ANKRD13D: variants seen among roughly 807,000 people sequenced by gnomAD.
The protein encoded by ANKRD13D is ankyrin repeat domain-containing protein 13D.
Under a neutral mutation model 68.8 loss-of-function variants are expected in ANKRD13D, and 24 were observed. The observed-to-expected ratio is 0.35, with a 90% confidence interval of 0.25 to 0.49. ANKRD13D has a LOEUF of 0.49. ANKRD13D is among the 20% of genes least tolerant of loss of function. The pLI is 0.99. For missense variants in ANKRD13D, 735 were observed against 832.1 expected, an observed-to-expected ratio of 0.88 and a Z score of 1.44; for synonymous variants, 331 against 336.1, an observed-to-expected ratio of 0.98 and a Z score of 0.16.
chr11:67,299,719 A>T lies in ANKRD13D; in HGVS notation c.880+108A>T. 17 of 1,530,178 alleles carry T rather than the reference A, an allele frequency of 1.1e-5. No homozygotes were observed. The highest frequency in any genetic ancestry group is 1.5e-5 in the Non-Finnish European group (17 of 1,131,508). 94.8% of individuals were successfully genotyped at this position (1,530,178 alleles called of 1,614,324 possible). ...CCAGGATGAGCTGGGAGGCCTCCCC[A>T]TTCCCGTCTGACCCCTCTTCCCCCA... On this transcript the variant is annotated intron_variant, in intron 8 of 14. Transcript: ENST00000511455. The surrounding 1 kb of genome is among the most constrained non-coding windows in gnomAD (Gnocchi z 6.2).
rs1860887434 is a variant in ANKRD13D, at chr11:67,299,426, T to C, written c.799-104T>C. On this transcript the variant is annotated intron_variant, in intron 7 of 14. Coordinates refer to ENST00000511455, the MANE Select transcript of ANKRD13D (RefSeq NM_207354.3). The surrounding 1 kb of genome is among the most constrained non-coding windows in gnomAD (Gnocchi z 6.2). The stretch of plus-strand genomic sequence containing the variant: ...ACCTCCTCCATTTTGGGGAGCAAGA[T>C]CTCATCTGTCTCTGGGACAGGAGGA... 2.0e-6 allele frequency: 2 copies of C among 997,504 alleles called. No individual in the cohort carries two copies. The highest frequency in any genetic ancestry group is 1.5e-6 in the Non-Finnish European group (1 of 670,718). The allele number at this position is 997,504 out of a possible 1,614,324, so 61.8% of individuals were successfully genotyped here. A position where few individuals can be genotyped will look rare whatever the true frequency, so the allele number is the denominator to read the frequency against.
chr11:67,297,739 A>T (rs1860813930), intron 6 of ANKRD13D, among the ~76,000 whole-genome samples: 1 of 146,976 alleles, frequency 6.8e-6, no homozygotes, highest in African/African-American at 2.5e-5. Flanking sequence ...GTTAGCCAGG[A>T]TGGTCTCCAT....
Position 67,291,649 on chromosome 11 carries a change from G to A in ANKRD13D, c.444G>A (p.Trp148Ter). 1 of 1,614,132 alleles carries A rather than the reference G, an allele frequency of 6.2e-7. No individual in the cohort carries two copies. Among genetic ancestry groups the A allele is most frequent in the Non-Finnish European group, 8.5e-7 (1 of 1,180,042 alleles). ...GCCCAAGCGATGTGTACCGCGTGTG[G>A]AAGCGGGGTGAGAGCCTGCGAGTAG... ...KMCPSDVYRV[W>*]KRGESLRVDT... Residue 148 changes from tryptophan (W) to a stop codon, truncating the protein, a stop_gained, in exon 5 of 15, where the codon TGG (tryptophan) becomes TGA (stop). Transcript: ENST00000511455. LOFTEE classifies it high-confidence loss of function.
chr11:67,302,476 G>A lies in ANKRD13D; in HGVS notation c.*144G>A. 3 of 1,268,818 alleles carry A rather than the reference G, an allele frequency of 2.4e-6. No individual in the cohort carries two copies. Among genetic ancestry groups the A allele is most frequent in the Non-Finnish European group, 3.1e-6 (3 of 954,042 alleles). The allele number at this position is 1,268,818 out of a possible 1,614,324, so 78.6% of individuals were successfully genotyped here. A position where few individuals can be genotyped will look rare whatever the true frequency, so the allele number is the denominator to read the frequency against. ...AGACTGAGATGGAAATAAAGAGACT[G>A]TCGCAGCAGGGCTGCTCTGCTCACT... On this transcript the variant is annotated 3_prime_UTR_variant, in exon 15 of 15. Coordinates refer to ENST00000511455, the MANE Select transcript of ANKRD13D (RefSeq NM_207354.3).
intron 6 of ANKRD13D, chr11:67,298,254 G>C (rs897344076): frequency 2.0e-5 from 3 of 151,956 alleles, no homozygotes; most frequent in African/African-American, 7.3e-5. Context: ...AGTAGAGACG[G>C]GGTTTCATCA....
chr11:67,291,476 G>A lies in ANKRD13D; in HGVS notation c.352G>A (p.Ala118Thr). 1.2e-6 allele frequency: 2 copies of A among 1,613,830 alleles called. No homozygotes were observed. The highest frequency in any genetic ancestry group is 2.2e-5 in the South Asian group (2 of 91,082). The change falls in exon 4 of 15, where the codon GCC becomes ACC. Residue 118 changes from alanine to threonine, a missense_variant and splice_region_variant. Coordinates refer to ENST00000511455, the MANE Select transcript of ANKRD13D (RefSeq NM_207354.3). ...IPELLNKLRQ[A>T]PDFYVEMKWE... The stretch of plus-strand genomic sequence containing the variant: ...GACAAGCAGCTCTGGTTTCTCTTAG[G>A]CCCCCGATTTCTACGTTGAGATGAA...
chr11:67,301,393 C>T lies in ANKRD13D; in HGVS notation c.1343C>T (p.Ala448Val). The part of the protein sequence containing the change: ...WVPAPSSAVA[A>V]SGNPFPCEVD... Reference sequence around the variant, plus strand: ...CCGGCCCCCAGCTCTGCTGTTGCCGCATCAGGTACCCCAACGGGAGGAAGA... The same window carrying T: ...CCGGCCCCCAGCTCTGCTGTTGCCGTATCAGGTACCCCAACGGGAGGAAGA... Residue 448 changes from alanine to valine, a missense_variant, in exon 12 of 15, where the codon GCA becomes GTA. Ala to Val is a moderately conservative substitution (Grantham distance 64, BLOSUM62 0). Coordinates refer to ENST00000511455, the MANE Select transcript of ANKRD13D (RefSeq NM_207354.3). The surrounding 1 kb of genome is among the most constrained non-coding windows in gnomAD (Gnocchi z 4.5). 1 of 1,610,760 alleles carries T rather than the reference C, an allele frequency of 6.2e-7. No individual in the cohort carries two copies. Among genetic ancestry groups the T allele is most frequent in the South Asian group, 1.1e-5 (1 of 90,774 alleles).
Position 67,299,759 on chromosome 11 carries a change from G to T in ANKRD13D, c.881-68G>T. 6.5e-7 allele frequency: 1 copy of T among 1,535,370 alleles called. No homozygotes were observed. The highest frequency in any genetic ancestry group is 1.4e-5 in the African/African-American group (1 of 72,810). On this transcript the variant is annotated intron_variant, in intron 8 of 14. Coordinates refer to ENST00000511455, the MANE Select transcript of ANKRD13D (RefSeq NM_207354.3). This position sits in a 1 kb window ranked among gnomAD's most constrained non-coding sequence, Gnocchi z 6.2. The stretch of plus-strand genomic sequence containing the variant: ...CTCTTCCCCCAGACAGTAGGCTCCA[G>T]GGGTGGAGGTGGGCAGGGGCGATGC...
chr11:67,292,548 G>A (rs1860607523), intron 6 of ANKRD13D, among the ~76,000 whole-genome samples: 1 of 151,900 alleles, frequency 6.6e-6, no homozygotes, highest in Non-Finnish European at 1.5e-5. Flanking sequence ...GGTAGCCTAG[G>A]AACCTGACCC....
chr11:67,297,529 T>C (rs1299352563), intron 6 of ANKRD13D, among the ~76,000 whole-genome samples: 1 of 142,448 alleles, frequency 7.0e-6, no homozygotes, highest in Non-Finnish European at 1.5e-5. Context: ...TTTTTTGGTT[T>C]TTTTTTTTTT....
rs929278666 is a variant in ANKRD13D, at chr11:67,300,281, T to G, written c.1073+158T>G. The G allele has an allele frequency of 9.3e-7, 1 of 1,075,686 alleles. No homozygotes were observed. Among genetic ancestry groups the G allele is most frequent in the Non-Finnish European group, 1.3e-6 (1 of 768,246 alleles). 66.6% of individuals were successfully genotyped at this position (1,075,686 alleles called of 1,614,324 possible). A position where few individuals can be genotyped will look rare whatever the true frequency, so the allele number is the denominator to read the frequency against. ...GTCATGTCTGCCTTATCCATGGTCC[T>G]CAGCCCTTAGCAAGGGGCTTGGCAC... On this transcript the variant is annotated intron_variant, in intron 10 of 14. Coordinates refer to ENST00000511455, the MANE Select transcript of ANKRD13D (RefSeq NM_207354.3). This position sits in a 1 kb window ranked among gnomAD's most constrained non-coding sequence, Gnocchi z 4.3.
chr11:67,299,055 C>G lies in ANKRD13D; in HGVS notation c.732-3C>G. On this transcript the variant is annotated splice_region_variant and splice_polypyrimidine_tract_variant and intron_variant, in intron 6 of 14. Coordinates refer to ENST00000511455, the MANE Select transcript of ANKRD13D (RefSeq NM_207354.3). The surrounding 1 kb of genome is among the most constrained non-coding windows in gnomAD (Gnocchi z 6.2). ...TCACCAGCTCCTGTTTGGTCTGTTT[C>G]AGGAACAAATGTGGTATCTGGGGCT... 1 of 1,612,744 alleles carries G rather than the reference C, an allele frequency of 6.2e-7. No individual in the cohort carries two copies. Among genetic ancestry groups the G allele is most frequent in the Non-Finnish European group, 8.5e-7 (1 of 1,179,604 alleles).
intron 3 of ANKRD13D, 53 bp from the exon 4 acceptor site, chr11:67,291,423 T>C: frequency 6.3e-7 from 1 of 1,598,776 alleles, no homozygotes; most frequent in Non-Finnish European, 8.5e-7. Flanking sequence ...CTCCCAGGCC[T>C]GCTGGAGCCA....
rs1424552711 is a variant in ANKRD13D at position 67,302,304 on chromosome 11, T to C, written c.1790T>C (p.Ile597Thr). The change falls in exon 15 of 15, where the codon ATC becomes ACC. Residue 597 changes from isoleucine (I) to threonine (T), a missense_variant. Coordinates refer to ENST00000511455, the MANE Select transcript of ANKRD13D (RefSeq NM_207354.3). ...GQQEEEDLQR[I>T]LQLSLTEH Reference sequence around the variant, plus strand: ...CAGGAGGAGGAGGACTTACAGCGGATCCTGCAGCTGTCACTCACTGAGCAC... The same window carrying C: ...CAGGAGGAGGAGGACTTACAGCGGACCCTGCAGCTGTCACTCACTGAGCAC... 6.4e-7 allele frequency: 1 copy of C among 1,550,948 alleles called. No homozygotes were observed. The highest frequency in any genetic ancestry group is 1.2e-5 in the South Asian group (1 of 84,034).
At chr11:67,289,662 C>A in intron 1 of ANKRD13D, 112 bp downstream of exon 1, 7 of 1,155,224 alleles carry the variant, frequency 6.1e-6, no homozygotes, top group Non-Finnish European at 8.1e-6. Flanking sequence ...GCAGCCACAT[C>A]CTGGGCCTTC....
In ANKRD13D at chr11:67,300,030, C is replaced by G; in HGVS notation, c.980C>G (p.Thr327Arg). 1 of 1,613,886 alleles carries G rather than the reference C, an allele frequency of 6.2e-7. No individual in the cohort carries two copies. The highest frequency in any genetic ancestry group is 8.5e-7 in the Non-Finnish European group (1 of 1,179,852). Residue 327 changes from threonine (T) to arginine (R), a missense_variant, in exon 10 of 15, where the codon ACA becomes AGA. Coordinates refer to ENST00000511455, the MANE Select transcript of ANKRD13D (RefSeq NM_207354.3). The surrounding 1 kb of genome is among the most constrained non-coding windows in gnomAD (Gnocchi z 4.3). Reference protein sequence around the residue: ...VQQAASPTNPTAISPEEYFDP... With the variant: ...VQQAASPTNPRAISPEEYFDP... ...CAGGCAGCCAGCCCCACCAACCCCA[C>G]AGCCATCTCCCCTGAGGAGTACTTC...
rs1565084167 is a variant in ANKRD13D at position 67,301,856 on chromosome 11, T to TC, written c.1604+39dup. The stretch of plus-strand genomic sequence containing the variant: ...CCTCATGGGGCTGGCTGGGTCCCTG[T>TC]CCCCCCAGCCCTGGCTTGGCGGGGA... On this transcript the variant is annotated intron_variant, in intron 14 of 14. Coordinates refer to ENST00000511455, the MANE Select transcript of ANKRD13D (RefSeq NM_207354.3). This position sits in a 1 kb window ranked among gnomAD's most constrained non-coding sequence, Gnocchi z 4.5. 4 of 1,555,054 alleles carry TC rather than the reference T, an allele frequency of 2.6e-6. No homozygotes were observed. The East Asian group carries it at 9.4e-5, about 37-fold the overall frequency.
At position 67,292,127 on chromosome 11, in the gene ANKRD13D, C is replaced by G; in HGVS notation, c.678C>G (p.Leu226=). ...RPSEEHVASR[L]TSPIVSTHLD... ...GCGAGGAGCATGTGGCCAGTCGCCTCACCTCTCCTATCGTCTCCACCCACC... is the reference window on the plus strand; with the variant it reads ...GCGAGGAGCATGTGGCCAGTCGCCTGACCTCTCCTATCGTCTCCACCCACC... Residue 226 remains leucine (L), a synonymous_variant, in exon 6 of 15, where the codon CTC becomes CTG. Coordinates refer to ENST00000511455, the MANE Select transcript of ANKRD13D (RefSeq NM_207354.3). 1.9e-6 allele frequency: 3 copies of G among 1,612,120 alleles called. No homozygotes were observed. The highest frequency in any genetic ancestry group is 2.5e-6 in the Non-Finnish European group (3 of 1,178,508).
At chr11:67,292,440 C>A (rs1860598038) in intron 6 of ANKRD13D, among the ~76,000 whole-genome samples, 1 of 152,068 alleles carries the variant, frequency 6.6e-6, no homozygotes. Flanking sequence ...ATATGTTTTC[C>A]CATTAAGACA....
Sources: allele counts gnomAD v4.1 joint callset (sites outside exome capture counted in the v4.1 genomes callset), GRCh38; gene constraint gnomAD v4.1.1; non-coding constraint Gnocchi (gnomAD v3.1); transcripts MANE v1.5; gene names NCBI Gene and HGNC (gene_info 2026-07-23, HGNC 2026-07-21).